Variants in RAB11B observed in about 807,000 individuals in gnomAD.
The protein encoded by RAB11B is RAB11B, member RAS oncogene family, also known as ras-related protein Rab-11B.
In RAB11B, 7 loss-of-function variants were observed where a neutral mutation model predicts 23.7. The observed-to-expected ratio is 0.29, with a 90% CI of 0.17 to 0.55. The LOEUF (loss-of-function observed/expected upper bound fraction) is 0.55, where lower values mean the gene tolerates loss of function less well. Ranked by LOEUF, RAB11B falls within the 20% of genes least tolerant of loss-of-function variation. RAB11B has a pLI of 0.93. For missense variants in RAB11B, 189 were observed against 320.0 expected, an observed-to-expected ratio of 0.59 and a Z score of 3.12; for synonymous variants, 138 against 132.0, an observed-to-expected ratio of 1.05 and a Z score of -0.31.
At chr19:8,402,987 C>T (rs1339481592) in intron 4 of RAB11B, 1 of 357,246 alleles carries the variant, frequency 2.8e-6, no homozygotes, top group South Asian at 3.7e-5. Context: ...CCACCACCAC[C>T]CCTAACCTTT....
chr19:8,392,752 G>C (rs534431291), intron 1 of RAB11B, among the ~76,000 whole-genome samples: 23 of 133,980 alleles, frequency 1.7e-4, no homozygotes, highest in Admixed American at 6.6e-4. Flanking sequence ...GTGCAGTGGC[G>C]CAATCTCGGC....
chr19:8,403,756 T>G lies in RAB11B; in HGVS notation c.*198T>G. 1 of 732,290 alleles carries G rather than the reference T, an allele frequency of 1.4e-6. No individual in the cohort carries two copies. The highest frequency in any genetic ancestry group is 2.1e-6 in the Non-Finnish European group (1 of 486,310). The allele number at this position is 732,290 out of a possible 1,614,324, so 45.4% of individuals were successfully genotyped here. The stretch of plus-strand genomic sequence containing the variant: ...CCCGGGGAAAAGCTAGAAGCCCCGG[T>G]TTGCTGCACCCATGAAACTCGGGTC... On this transcript the variant is annotated 3_prime_UTR_variant, in exon 5 of 5. Transcript: ENST00000328024.
At chr19:8,390,888 A>G (rs1489053778) in intron 1 of RAB11B, among the ~76,000 whole-genome samples, 1 of 151,554 alleles carries the variant, frequency 6.6e-6, no homozygotes, top group Admixed American at 6.6e-5. Flanking sequence ...GGGCCTGGGC[A>G]AACGGAGGCG....
intron 1 of RAB11B, among the ~76,000 whole-genome samples, chr19:8,392,652 C>G (rs1014867195): frequency 6.9e-6 from 1 of 145,072 alleles, no homozygotes; most frequent in South Asian, 2.2e-4. Context: ...CTCCTCTATT[C>G]TCTTTCAATA....
At position 8,396,905 on chromosome 19, in the gene RAB11B, C is replaced by A. The variant is rs1028660771; in HGVS notation, c.41-2958C>A. Among the ~76,000 whole-genome samples the A allele has an allele frequency of 6.6e-6, 1 of 152,188 alleles. No individual in the cohort carries two copies. The highest frequency in any genetic ancestry group is 1.5e-5 in the Non-Finnish European group (1 of 68,034). Reference sequence around the variant, plus strand: ...TTTTGGTTGGTGATGAGCGTGAACACAGGGACCGCACAGACAATACCTTCC... The same window carrying A: ...TTTTGGTTGGTGATGAGCGTGAACAAAGGGACCGCACAGACAATACCTTCC... On this transcript the variant is annotated intron_variant, in intron 1 of 4. Coordinates refer to ENST00000328024, the MANE Select transcript of RAB11B (RefSeq NM_004218.4). The surrounding 1 kb of genome is among the most constrained non-coding windows in gnomAD (Gnocchi z 5.0).
chr19:8,402,688 GA>G (rs1190049035), intron 4 of RAB11B, 123 bp downstream of exon 4: 9 of 795,252 alleles, frequency 1.1e-5, no homozygotes, highest in Middle Eastern at 7.4e-4. Context: ...GGGCAGGATG[GA>G]TTTTTGCTCT....
chr19:8,401,438 TCA>T (rs1971436412), intron 2 of RAB11B, among the ~76,000 whole-genome samples: 1 of 149,334 alleles, frequency 6.7e-6, no homozygotes, highest in Admixed American at 6.8e-5. Flanking sequence ...AAGTGCAGTG[TCA>T]CAATCTCGGC....
At position 8,402,511 on chromosome 19, in the gene RAB11B, A is replaced by G; in HGVS notation, c.457A>G (p.Thr153Ala). Residue 153 changes from threonine (T) to alanine (A), a missense_variant, in exon 4 of 5, where the codon ACC becomes GCC. Coordinates refer to ENST00000328024, the MANE Select transcript of RAB11B (RefSeq NM_004218.4). The part of the protein sequence containing the change: ...AEKNNLSFIE[T>A]SALDSTNVEE... The stretch of plus-strand genomic sequence containing the variant: ...AAAGAACAACTTGTCCTTCATCGAG[A>G]CCTCAGCCTTGGATTCCACTAACGT... 1 of 1,613,960 alleles carries G rather than the reference A, an allele frequency of 6.2e-7. No homozygotes were observed. Among genetic ancestry groups the G allele is most frequent in the South Asian group, 1.1e-5 (1 of 91,074 alleles).
rs2145511585 is a variant in RAB11B at position 8,400,063 on chromosome 19, G to A, written c.236+5G>A. ...CTACCGCGCCATCACCTCCGCGTGC[G>A]TGTCGGCAGCCTGGGCAGGGACGCT... is the stretch of plus-strand genomic sequence containing the variant. On this transcript the variant is annotated splice_donor_5th_base_variant and intron_variant, in intron 2 of 4. Transcript: ENST00000328024. The A allele has an allele frequency of 6.2e-7, 1 of 1,606,904 alleles. No individual in the cohort carries two copies. Among genetic ancestry groups the A allele is most frequent in the Non-Finnish European group, 8.5e-7 (1 of 1,174,028 alleles).
In RAB11B at chr19:8,403,847, A is replaced by G; in HGVS notation, c.*289A>G. Reference sequence around the variant, plus strand: ...ACGGGGCTGGCCAGAGGCGAGGAGGACGGGCGGACGGCGCCGCCTTCTCCC... The same window carrying G: ...ACGGGGCTGGCCAGAGGCGAGGAGGGCGGGCGGACGGCGCCGCCTTCTCCC... On this transcript the variant is annotated 3_prime_UTR_variant, in exon 5 of 5. Transcript: ENST00000328024. The G allele has an allele frequency of 2.7e-6, 1 of 370,834 alleles. No homozygotes were observed. Among genetic ancestry groups the G allele is most frequent in the African/African-American group, 2.1e-5 (1 of 47,780 alleles). The allele number at this position is 370,834 out of a possible 1,614,324, so 23.0% of individuals were successfully genotyped here.
rs766981683 is a variant in RAB11B at position 8,390,437 on chromosome 19, G to A, written c.21G>A (p.Glu7=). The part of the protein sequence containing the change: MGTRDD[E]YDYLFKVVLI... Reference sequence around the variant, plus strand: ...GGACAATGGGGACCCGGGACGACGAGTACGACTACCTATTCAAAGGTGCGG... The same window carrying A: ...GGACAATGGGGACCCGGGACGACGAATACGACTACCTATTCAAAGGTGCGG... Residue 7 remains glutamate (E), a synonymous_variant, in exon 1 of 5, where the codon GAG becomes GAA. Coordinates refer to ENST00000328024, the MANE Select transcript of RAB11B (RefSeq NM_004218.4). The A allele has an allele frequency of 1.3e-6, 2 of 1,521,038 alleles. No homozygotes were observed. Among genetic ancestry groups the A allele is most frequent in the Non-Finnish European group, 1.8e-6 (2 of 1,139,620 alleles). The allele number at this position is 1,521,038 out of a possible 1,614,324, so 94.2% of individuals were successfully genotyped here.
intron 1 of RAB11B, among the ~76,000 whole-genome samples, chr19:8,395,238 A>ACG (rs1161270406): frequency 5.4e-5 from 8 of 149,530 alleles, no homozygotes; most frequent in Non-Finnish European, 8.9e-5. Flanking sequence ...GCTGGGCCAC[A>ACG]CGCCTACATT....
At chr19:8,391,931 A>T (rs1408477310) in intron 1 of RAB11B, among the ~76,000 whole-genome samples, 1 of 152,002 alleles carries the variant, frequency 6.6e-6, no homozygotes, top group Non-Finnish European at 1.5e-5. Context: ...AGCTGCACAC[A>T]GGTTGATAAT....
In RAB11B at chr19:8,399,903, G is replaced by A. The variant is rs745839768; in HGVS notation, c.81G>A (p.Leu27=). ...IGDSGVGKSN[L]LSRFTRNEFN... ...ACTCAGGCGTGGGCAAGAGCAACCT[G>A]CTGTCGCGCTTCACCCGCAACGAGT... The change falls in exon 2 of 5, where the codon CTG becomes CTA. Residue 27 remains leucine (L), a synonymous_variant. Transcript: ENST00000328024. 1.4e-5 allele frequency: 22 copies of A among 1,614,238 alleles called. No homozygotes were observed. The East Asian group carries it at 3.6e-4, about 26-fold the overall frequency.
chr19:8,402,122 C>A lies in RAB11B; in HGVS notation c.273C>A (p.Tyr91Ter). The A allele has an allele frequency of 6.2e-7, 1 of 1,607,036 alleles. No homozygotes were observed. The highest frequency in any genetic ancestry group is 8.5e-7 in the Non-Finnish European group (1 of 1,176,892). Reference protein sequence around the residue: ...YRGAVGALLVYDIAKHLTYEN... With the variant: ...YRGAVGALLV ...GTGCAGTGGGCGCCCTGCTGGTGTA[C>A]GACATCGCCAAGCACCTGACCTATG... Residue 91 changes from tyrosine (Y) to a stop codon, truncating the protein, a stop_gained, in exon 3 of 5, where the codon TAC becomes TAA. Transcript: ENST00000328024. LOFTEE classifies it high-confidence loss of function.
Position 8,390,543 on chromosome 19 carries a change from C to A in RAB11B, c.40+87C>A. 3.8e-6 allele frequency: 5 copies of A among 1,299,728 alleles called. No homozygotes were observed. The South Asian group carries it at 1.0e-4, about 26-fold the overall frequency. The allele number at this position is 1,299,728 out of a possible 1,614,324, so 80.5% of individuals were successfully genotyped here. A position where few individuals can be genotyped will look rare whatever the true frequency, so the allele number is the denominator to read the frequency against. On this transcript the variant is annotated intron_variant, in intron 1 of 4. Coordinates refer to ENST00000328024, the MANE Select transcript of RAB11B (RefSeq NM_004218.4). ...AAGGCCGCGCTCCAGGCCGCTGGGC[C>A]CAGGCCGGAGCCCGGGGCTTGGGGC... is the stretch of plus-strand genomic sequence containing the variant.
At chr19:8,394,704 G>A (rs1971383090) in intron 1 of RAB11B, among the ~76,000 whole-genome samples, 2 of 152,112 alleles carry the variant, frequency 1.3e-5, no homozygotes, top group Admixed American at 6.5e-5. Context: ...GCCGAGGTGG[G>A]TGAATCACTT....
chr19:8,402,587 G>C (rs1235853426), intron 4 of RAB11B, 22 bp downstream of exon 4: 1 of 1,579,068 alleles, frequency 6.3e-7, no homozygotes, highest in Non-Finnish European at 8.7e-7. Context: ...CCAGATGGGT[G>C]TGGGTAGGGC....
rs755860339 is a variant in RAB11B, at chr19:8,399,864, G to A, written c.42G>A (p.Val14=). ...RDDEYDYLFK[V]VLIGDSGVGK... is the part of the protein sequence containing the mutation. ...ACAGAACCTCGCCTTCCCGCCCAGT[G>A]GTGCTCATCGGGGACTCAGGCGTGG... Residue 14 remains valine (V), a splice_region_variant and synonymous_variant, in exon 2 of 5, where the codon GTG becomes GTA. Coordinates refer to ENST00000328024, the MANE Select transcript of RAB11B (RefSeq NM_004218.4). 1 of 1,613,364 alleles carries A rather than the reference G, an allele frequency of 6.2e-7. No homozygotes were observed. The highest frequency in any genetic ancestry group is 2.2e-5 in the East Asian group (1 of 44,838).
Sources: allele counts gnomAD v4.1 joint callset (sites outside exome capture counted in the v4.1 genomes callset), GRCh38; gene constraint gnomAD v4.1.1; non-coding constraint Gnocchi (gnomAD v3.1); transcripts MANE v1.5; gene names NCBI Gene and HGNC (gene_info 2026-07-23, HGNC 2026-07-21).